Variants in PTK2 observed in about 807,000 individuals in gnomAD.
The protein encoded by PTK2 is focal adhesion kinase 1.
Under a neutral mutation model 150.1 loss-of-function variants are expected in PTK2, and 45 were observed. That is an observed-to-expected ratio of 0.30 (90% CI 0.24 to 0.38). The LOEUF is 0.38. PTK2 is among the 10% of genes least tolerant of loss of function. The pLI, the probability that PTK2 is intolerant of heterozygous loss-of-function variation, is 1.00. For synonymous variants in PTK2, 432 were observed against 449.2 expected, an observed-to-expected ratio of 0.96 and a Z score of 0.48; for missense variants, 919 against 1,307.3, an observed-to-expected ratio of 0.70 and a Z score of 4.58.
chr8:140,809,697 T>C (rs1311600342), intron 10 of PTK2, among the ~76,000 whole-genome samples: 1 of 152,144 alleles, frequency 6.6e-6, no homozygotes, highest in Non-Finnish European at 1.5e-5. Context: ...TCCCAGCTAC[T>C]TGGGAGACTG....
At chr8:140,697,898 A>T (rs2100027833) in intron 26 of PTK2, among the ~76,000 whole-genome samples, 1 of 114,948 alleles carries the variant, frequency 8.7e-6, no homozygotes, top group South Asian at 2.7e-4. Context: ...GGGTCTTGCT[A>T]AGCCCAGGCT....
intron 2 of PTK2, chr8:140,892,574 T>A (rs571594748): frequency 1.1e-4 from 49 of 451,478 alleles, no homozygotes; most frequent in African/African-American, 8.6e-4. Flanking sequence ...GAGCCAACCC[T>A]CTGTTGGTAT....
rs114818611 is a variant in PTK2 at position 140,855,136 on chromosome 8, C to G, written c.451-8458G>C. On this transcript the variant is annotated intron_variant, in intron 5 of 31. Coordinates refer to ENST00000522684, the Ensembl canonical transcript of PTK2. ...AAAGGGCTGAGATTCCAGGCATGAGCCACTGCATCTGGCCCCATTAAAAAT... is the reference window on the plus strand; with the variant it reads ...AAAGGGCTGAGATTCCAGGCATGAGGCACTGCATCTGGCCCCATTAAAAAT... Among the ~76,000 whole-genome samples the G allele has an allele frequency of 2.9e-3, 447 of 152,232 alleles. 5 individuals carry two copies. Among genetic ancestry groups the G allele is most frequent in the African/African-American group, 0.01 (434 of 41,540 alleles).
At chr8:140,752,247 A>G in exon 17 of PTK2, 1 of 1,613,898 alleles carries the variant, frequency 6.2e-7, no homozygotes, top group East Asian at 2.2e-5. Flanking sequence ...TCTTGAAGAA[A>G]TTTCTCTCTC....
At chr8:140,671,308 G>A (rs183246740) in intron 29 of PTK2, among the ~76,000 whole-genome samples, 156 of 152,198 alleles carry the variant, frequency 1.0e-3, no homozygotes, top group African/African-American at 3.2e-3. Context: ...CACAACCACC[G>A]CCTCCTGGAT....
chr8:140,664,032 G>C (rs1249866311), intron 31 of PTK2, among the ~76,000 whole-genome samples: 1 of 151,920 alleles, frequency 6.6e-6, no homozygotes. Context: ...GTTGCAGGCT[G>C]GAGTGCAATG....
intron 1 of PTK2, among the ~76,000 whole-genome samples, chr8:140,949,390 C>T (rs530200352): frequency 1.2e-4 from 18 of 152,272 alleles, no homozygotes; most frequent in Middle Eastern, 6.8e-3. Flanking sequence ...ACTGAGTTGG[C>T]GGGGCAGGAG....
chr8:140,669,822 ACAAATCCCC>A, intron 29 of PTK2, 87 bp from the exon 33 acceptor site: 3 of 1,390,110 alleles, frequency 2.2e-6, no homozygotes, highest in Non-Finnish European at 2.0e-6. Context: ...AAGGCATAAG[ACAAATCCCC>A]CATAAAAACA....
Position 140,668,427 on chromosome 8 carries a change from G to A in PTK2, c.2710-3C>T. On this transcript the variant is annotated splice_region_variant and splice_polypyrimidine_tract_variant and intron_variant, in intron 29 of 31. Transcript: ENST00000522684. ...GGGCTGATTTCCTGGGGCTGAAGCT[G>A]ACAACACAGAAGCCAGTCATTTTTC... 1 of 1,605,900 alleles carries A rather than the reference G, an allele frequency of 6.2e-7. No individual in the cohort carries two copies. The highest frequency in any genetic ancestry group is 8.5e-7 in the Non-Finnish European group (1 of 1,176,192).
At chr8:140,899,770 T>C (rs977232231) in intron 2 of PTK2, among the ~76,000 whole-genome samples, 2 of 152,158 alleles carry the variant, frequency 1.3e-5, no homozygotes, top group African/African-American at 4.8e-5. Context: ...GTAGGATTCA[T>C]CCCAGAGATG....
At chr8:140,725,229 G>A (rs1471180460) in intron 22 of PTK2, among the ~76,000 whole-genome samples, 1 of 152,184 alleles carries the variant, frequency 6.6e-6, no homozygotes, top group Non-Finnish European at 1.5e-5. Context: ...GGCCTCCTGG[G>A]CTCATGTGAT....
intron 5 of PTK2, 91 bp from the exon 6 acceptor site, chr8:140,846,769 T>C: frequency 1.2e-6 from 1 of 859,586 alleles, no homozygotes; most frequent in African/African-American, 1.7e-5. Flanking sequence ...GTACCTTTCA[T>C]ATAGTTTACA....
At chr8:140,832,472 G>A (rs1490664668) in intron 7 of PTK2, among the ~76,000 whole-genome samples, 1 of 152,192 alleles carries the variant, frequency 6.6e-6, no homozygotes, top group Non-Finnish European at 1.5e-5. Context: ...ATGCAGTGGT[G>A]CTGAGGTTTA....
At chr8:140,885,276 T>C (rs1284426182) in intron 3 of PTK2, among the ~76,000 whole-genome samples, 1 of 152,208 alleles carries the variant, frequency 6.6e-6, no homozygotes, top group East Asian at 1.9e-4. Flanking sequence ...CTGTGGTCAA[T>C]GTTCCTAACA....
chr8:140,915,077 G>A (rs889428550), intron 2 of PTK2, among the ~76,000 whole-genome samples: 3 of 149,684 alleles, frequency 2.0e-5, no homozygotes, highest in Admixed American at 6.7e-5. Context: ...CTTAGGCACT[G>A]GGAATGCAGC....
intron 20 of PTK2, among the ~76,000 whole-genome samples, chr8:140,742,007 A>G (rs2100055976): frequency 1.3e-5 from 2 of 152,192 alleles, no homozygotes; most frequent in African/African-American, 4.8e-5. Flanking sequence ...ATGGTGGCGC[A>G]CGCCCGTAGT....
intron 1 of PTK2, among the ~76,000 whole-genome samples, chr8:140,942,818 TC>T (rs1174832179): frequency 2.0e-5 from 3 of 152,184 alleles, no homozygotes; most frequent in Non-Finnish European, 4.4e-5. Flanking sequence ...TGAAATGTAG[TC>T]CCCAGTGTTG....
intron 1 of PTK2, among the ~76,000 whole-genome samples, chr8:140,976,530 G>A (rs752823103): frequency 6.6e-6 from 1 of 152,192 alleles, no homozygotes; most frequent in Non-Finnish European, 1.5e-5. Flanking sequence ...AAATGCCACT[G>A]AAAGGAAAGC....
intron 22 of PTK2, among the ~76,000 whole-genome samples, chr8:140,718,972 T>A (rs2100041282): frequency 6.6e-6 from 1 of 151,962 alleles, no homozygotes; most frequent in South Asian, 2.1e-4. Context: ...GGTCAGGAGT[T>A]CAAGACCAGC....
Sources: gnomAD v4.1 joint callset for allele counts (sites outside exome capture counted in the v4.1 genomes callset) on GRCh38, gnomAD v4.1.1 for gene constraint, MANE v1.5 for transcripts, NCBI Gene and HGNC (gene_info 2026-07-23, HGNC 2026-07-21) for gene names.